Variants in HSDL2 observed in about 807,000 individuals in gnomAD.
HSDL2 encodes hydroxysteroid dehydrogenase-like protein 2.
In HSDL2, 27 loss-of-function variants were observed where a neutral mutation model predicts 46.3. That is an observed-to-expected ratio of 0.58 (90% CI 0.43 to 0.80). HSDL2 has a LOEUF of 0.80. HSDL2 is among the 30% of genes least tolerant of loss of function. HSDL2 has a pLI of 0.00. For missense variants in HSDL2, 451 were observed against 502.7 expected (o/e 0.90, Z 0.98); for synonymous variants, 153 against 163.6 (o/e 0.94, Z 0.50).
chr9:112,440,115 G>A (rs1346337253), intron 7 of HSDL2, among the ~76,000 whole-genome samples: 1 of 152,152 alleles, frequency 6.6e-6, no homozygotes, highest in Non-Finnish European at 1.5e-5. Flanking sequence ...GGTCTTCCGG[G>A]TCCTGGTACC....
chr9:112,465,537 C>T (rs1380248407), intron 10 of HSDL2, among the ~76,000 whole-genome samples: 1 of 152,200 alleles, frequency 6.6e-6, no homozygotes, highest in African/African-American at 2.4e-5. Context: ...CAGAGGAATA[C>T]CTGTACCATA....
chr9:112,449,543 G>A (rs1381949661), intron 8 of HSDL2, among the ~76,000 whole-genome samples: 1 of 151,030 alleles, frequency 6.6e-6, no homozygotes, highest in Non-Finnish European at 1.5e-5. Context: ...ATAACAACTC[G>A]AGATATAACT....
At chr9:112,431,565 G>A (rs756486993) in intron 6 of HSDL2, among the ~76,000 whole-genome samples, 1 of 152,128 alleles carries the variant, frequency 6.6e-6, no homozygotes, top group East Asian at 1.9e-4. Context: ...GTGGGGTCTG[G>A]TGGGAGGTGA....
chr9:112,418,959 G>T lies in HSDL2; in HGVS notation c.598+1G>T, dbSNP rs1417571722. 3.3e-6 allele frequency: 5 copies of T among 1,534,922 alleles called. No homozygotes were observed. In the African/African-American group the frequency reaches 4.1e-5, roughly 13 times the overall value. On this transcript the variant is annotated splice_donor_variant, in intron 6 of 10. Coordinates refer to ENST00000398805, the MANE Select transcript of HSDL2 (RefSeq NM_032303.5). LOFTEE classifies it high-confidence loss of function. ...GTCAATGCATTATGGCCTAAAACAG[G>T]TATGTATTTTTAAAAACTTCATTTG...
intron 9 of HSDL2, among the ~76,000 whole-genome samples, chr9:112,458,586 CA>C (rs897710292): frequency 2.6e-5 from 4 of 152,032 alleles, no homozygotes; most frequent in African/African-American, 9.6e-5. Context: ...CCTTGCCTCC[CA>C]AAGAGTCAGG....
intron 1 of HSDL2, among the ~76,000 whole-genome samples, chr9:112,403,427 C>T (rs1316426333): frequency 6.6e-6 from 1 of 152,242 alleles, no homozygotes; most frequent in Admixed American, 6.5e-5. Context: ...TATTGCGGAA[C>T]ATTATTTCAT....
chr9:112,458,937 C>T (rs1324509537), intron 9 of HSDL2, among the ~76,000 whole-genome samples: 2 of 151,690 alleles, frequency 1.3e-5, no homozygotes, highest in African/African-American at 2.4e-5. Context: ...GCCGAGATCG[C>T]GCCACTGCAC....
rs536397865 is a variant in HSDL2, at chr9:112,380,303, C to T, written c.17+123C>T. The T allele has an allele frequency of 4.8e-5, 44 of 908,314 alleles. 1 individual carries two copies. The South Asian group carries it at 7.3e-4, about 15-fold the overall frequency. The allele number at this position is 908,314 out of a possible 1,614,324, so 56.3% of individuals were successfully genotyped here. On this transcript the variant is annotated intron_variant, in intron 1 of 10. Transcript: ENST00000398805. ...TGGGAGGTCAAGGATACTGCCTGGGCACGCTCTGAGCTCTGGTCCGCGCTG... is the reference window on the plus strand; with the variant it reads ...TGGGAGGTCAAGGATACTGCCTGGGTACGCTCTGAGCTCTGGTCCGCGCTG...
chr9:112,396,927 A>C (rs1831469736), intron 1 of HSDL2, among the ~76,000 whole-genome samples: 1 of 152,134 alleles, frequency 6.6e-6, no homozygotes, highest in South Asian at 2.1e-4. Flanking sequence ...CACTGGTCTG[A>C]GTCTGAGGTG....
At chr9:112,456,419 T>G (rs1833025091) in intron 9 of HSDL2, among the ~76,000 whole-genome samples, 1 of 152,200 alleles carries the variant, frequency 6.6e-6, no homozygotes, top group African/African-American at 2.4e-5. Context: ...TTTGATACTG[T>G]TGACCACACT....
At chr9:112,411,369 A>G (rs983732250) in intron 4 of HSDL2, among the ~76,000 whole-genome samples, 1 of 152,130 alleles carries the variant, frequency 6.6e-6, no homozygotes, top group Non-Finnish European at 1.5e-5. Context: ...ATTGAATCCA[A>G]CTGTAGTAAG....
At chr9:112,465,547 A>C (rs573122138) in intron 10 of HSDL2, among the ~76,000 whole-genome samples, 1 of 152,290 alleles carries the variant, frequency 6.6e-6, no homozygotes, top group South Asian at 2.1e-4. Flanking sequence ...CCTGTACCAT[A>C]TGTAAGTAAG....
chr9:112,408,131 A>G (rs1831771504), intron 3 of HSDL2, among the ~76,000 whole-genome samples: 1 of 152,216 alleles, frequency 6.6e-6, no homozygotes, highest in Admixed American at 6.5e-5. Flanking sequence ...TCTCAAGACC[A>G]GAAAGGAGCC....
intron 6 of HSDL2, among the ~76,000 whole-genome samples, chr9:112,427,691 T>C (rs180917397): frequency 6.6e-6 from 1 of 152,370 alleles, no homozygotes; most frequent in Admixed American, 6.5e-5. Flanking sequence ...GTTTATCTTA[T>C]AGGAGTTCTG....
At chr9:112,450,019 A>C (rs1003885750) in intron 8 of HSDL2, among the ~76,000 whole-genome samples, 8 of 152,112 alleles carry the variant, frequency 5.3e-5, no homozygotes, top group Non-Finnish European at 1.0e-4. Context: ...ATTTCTTTTA[A>C]AATAATGAAA....
chr9:112,449,080 G>GTTTTTTTTTTTTT (rs59586435), intron 8 of HSDL2, among the ~76,000 whole-genome samples: 1 of 118,952 alleles, frequency 8.4e-6, no homozygotes, highest in Non-Finnish European at 1.7e-5. Context: ...TCTTTCCTCT[G>GTTTTTTTTTTTTT]TTTTTTTTTT....
chr9:112,388,187 G>GCA (rs1297210653), intron 1 of HSDL2, among the ~76,000 whole-genome samples: 1 of 151,774 alleles, frequency 6.6e-6, no homozygotes, highest in Admixed American at 6.6e-5. Context: ...AAAAACCCAG[G>GCA]CACAGTGGCT....
chr9:112,394,171 G>A (rs917719955), intron 1 of HSDL2, among the ~76,000 whole-genome samples: 14 of 152,180 alleles, frequency 9.2e-5, no homozygotes, highest in Admixed American at 9.2e-4. Context: ...ACAGATGTGA[G>A]GGGTGGTAGT....
chr9:112,429,775 G>A (rs1014406188), intron 6 of HSDL2, among the ~76,000 whole-genome samples: 6 of 152,152 alleles, frequency 3.9e-5, no homozygotes, highest in African/African-American at 1.4e-4. Context: ...GAAGGAAGGT[G>A]GCAATTTAAA....
Sources: gnomAD v4.1 joint callset for allele counts (sites outside exome capture counted in the v4.1 genomes callset) on GRCh38, gnomAD v4.1.1 for gene constraint, MANE v1.5 for transcripts, NCBI Gene and HGNC (gene_info 2026-07-23, HGNC 2026-07-21) for gene names.